The following CDIN1 variants were observed in gnomAD, a reference collection of about 807,000 sequenced individuals.
The protein encoded by CDIN1 is CDAN1 interacting nuclease 1.
A neutral mutation model predicts 45.3 loss-of-function variants in CDIN1; 33 were observed. The ratio of observed to expected loss-of-function variants is 0.73; its 90% CI spans 0.55 to 0.97. CDIN1 has a LOEUF of 0.97. Ranked by LOEUF, CDIN1 falls within the 50% of genes least tolerant of loss-of-function variation. The pLI is 0.00. For synonymous variants in CDIN1, 118 were observed against 124.4 expected (o/e 0.95, Z 0.34); for missense variants, 303 against 339.4 (o/e 0.89, Z 0.84).
intron 1 of CDIN1, among the ~76,000 whole-genome samples, chr15:36,604,307 A>G (rs1334440498): frequency 1.3e-5 from 2 of 151,902 alleles, no homozygotes. Context: ...GCTTGTAAAT[A>G]ATAAATTTAA....
At chr15:36,769,398 T>G (rs1043518134) in intron 10 of CDIN1, among the ~76,000 whole-genome samples, 1 of 152,212 alleles carries the variant, frequency 6.6e-6, no homozygotes, top group Non-Finnish European at 1.5e-5. Context: ...GCAGGATTTC[T>G]GTGTTAAAGT....
At chr15:36,713,896 T>G (rs928370818) in intron 10 of CDIN1, among the ~76,000 whole-genome samples, 4 of 152,208 alleles carry the variant, frequency 2.6e-5, no homozygotes, top group African/African-American at 9.6e-5. Flanking sequence ...CATCGCTTGT[T>G]TACTTGTCAA....
intron 10 of CDIN1, among the ~76,000 whole-genome samples, chr15:36,769,631 T>C (rs1183765803): frequency 6.6e-6 from 1 of 152,200 alleles, no homozygotes; most frequent in African/African-American, 2.4e-5. Flanking sequence ...GCATAAAATT[T>C]AACCATCACA....
At chr15:36,608,365 G>T (rs1463539062) in intron 1 of CDIN1, among the ~76,000 whole-genome samples, 2 of 152,056 alleles carry the variant, frequency 1.3e-5, no homozygotes, top group Non-Finnish European at 2.9e-5. Context: ...TTATATTCCT[G>T]GTGGGTATGA....
intron 10 of CDIN1, among the ~76,000 whole-genome samples, chr15:36,784,587 G>A (rs1566971218): frequency 6.6e-6 from 1 of 152,212 alleles, no homozygotes; most frequent in Non-Finnish European, 1.5e-5. Context: ...CTTTGCAGCA[G>A]TGACGAATAA....
intron 3 of CDIN1, among the ~76,000 whole-genome samples, chr15:36,648,172 A>G (rs779983866): frequency 6.6e-6 from 1 of 152,130 alleles, no homozygotes. Context: ...ATGATTGCCC[A>G]TAATTGTGCC....
At chr15:36,623,447 G>A (rs752084284) in intron 1 of CDIN1, among the ~76,000 whole-genome samples, 1 of 151,866 alleles carries the variant, frequency 6.6e-6, no homozygotes, top group Non-Finnish European at 1.5e-5. Context: ...TAACTTTATC[G>A]AATGATGAAC....
chr15:36,580,638 G>GA (rs1445409216), intron 1 of CDIN1, among the ~76,000 whole-genome samples: 1 of 152,206 alleles, frequency 6.6e-6, no homozygotes, highest in Non-Finnish European at 1.5e-5. Context: ...AACTTTCTAA[G>GA]AAAGGACTTT....
At chr15:36,618,345 T>G in intron 1 of CDIN1, 1 of 679,840 alleles carries the variant, frequency 1.5e-6, no homozygotes, top group Non-Finnish European at 2.7e-6. Flanking sequence ...AACTGGGGAT[T>G]AGGAGCAAAC....
chr15:36,614,241 C>T, intron 1 of CDIN1: 1 of 614,674 alleles, frequency 1.6e-6, no homozygotes. Flanking sequence ...TCCCTCTGAC[C>T]CTGACTCCAC....
chr15:36,738,664 A>G (rs1365646318), intron 10 of CDIN1, among the ~76,000 whole-genome samples: 5 of 152,266 alleles, frequency 3.3e-5, no homozygotes, highest in East Asian at 1.9e-4. Flanking sequence ...TACGTAGCTC[A>G]CTGTCCAAAG....
At chr15:36,639,563 G>T (rs1196367907) in intron 1 of CDIN1, among the ~76,000 whole-genome samples, 1 of 152,148 alleles carries the variant, frequency 6.6e-6, no homozygotes, top group African/African-American at 2.4e-5. Context: ...ACTCCATCCT[G>T]GGTGACAGAG....
intron 1 of CDIN1, chr15:36,619,380 G>C (rs1170817184): frequency 2.7e-6 from 1 of 372,644 alleles, no homozygotes; most frequent in African/African-American, 2.1e-5. Context: ...ACAGGAGAAA[G>C]TACATCCTTA....
intron 10 of CDIN1, among the ~76,000 whole-genome samples, chr15:36,790,920 C>G (rs12442788): frequency 6.6e-6 from 1 of 152,030 alleles, no homozygotes; most frequent in African/African-American, 2.4e-5. Flanking sequence ...GTCACAGGAG[C>G]TTGTTGTACA....
chr15:36,753,620 A>G (rs1595558536), intron 10 of CDIN1, among the ~76,000 whole-genome samples: 1 of 27,856 alleles, frequency 3.6e-5, no homozygotes, highest in Non-Finnish European at 6.3e-5. Flanking sequence ...CTTTTTTATT[A>G]AAAAAAAAAA....
intron 1 of CDIN1, among the ~76,000 whole-genome samples, chr15:36,610,372 A>G (rs2038590570): frequency 6.6e-6 from 1 of 152,206 alleles, no homozygotes; most frequent in Admixed American, 6.5e-5. Flanking sequence ...GCCTTTATAA[A>G]TCTTTTCAGT....
intron 5 of CDIN1, among the ~76,000 whole-genome samples, chr15:36,675,449 A>G (rs2041614652): frequency 6.6e-6 from 1 of 152,104 alleles, no homozygotes; most frequent in African/African-American, 2.4e-5. Flanking sequence ...TGCTTACAGA[A>G]CAAGTGTTGC....
chr15:36,626,785 G>T, intron 1 of CDIN1: 1 of 339,004 alleles, frequency 2.9e-6, no homozygotes, highest in South Asian at 2.6e-5. Context: ...TGATGATGAT[G>T]GGGGTCAGGG....
chr15:36,653,882 G>GC (rs1566870049), intron 3 of CDIN1, among the ~76,000 whole-genome samples: 1 of 152,180 alleles, frequency 6.6e-6, no homozygotes, highest in Admixed American at 6.5e-5. Flanking sequence ...TACACCTTCT[G>GC]CCCCCACCTT....
Sources: allele counts gnomAD v4.1 joint callset (sites outside exome capture counted in the v4.1 genomes callset), GRCh38; gene constraint gnomAD v4.1.1; transcripts MANE v1.5; gene names NCBI Gene and HGNC (gene_info 2026-07-23, HGNC 2026-07-21).